Variants in ZNF577 observed in about 807,000 individuals in gnomAD.
ZNF577 encodes the protein zinc finger protein 577.
A neutral mutation model predicts 13.9 loss-of-function variants in ZNF577; 14 were observed. The observed-to-expected ratio is 1.00, with a 90% CI of 0.66 to 1.57. ZNF577 has a LOEUF of 1.57. Among genes scored for constraint, ZNF577 ranks in the 40% most tolerant of loss-of-function variants. ZNF577 has a pLI of 0.00. For synonymous variants in ZNF577, 203 were observed against 202.9 expected (o/e 1.00, Z 0.00); for missense variants, 555 against 579.2 (o/e 0.96, Z 0.43).
chr19:51,864,879 G>A (rs10414104), downstream of ZNF577, among the ~76,000 whole-genome samples: 40,815 of 151,982 alleles, frequency 0.27, 7,770 homozygotes, highest in African/African-American at 0.53. Context: ...TGAAGGCTTT[G>A]GGAGAAGGAG....
intron 1 of ZNF577, among the ~76,000 whole-genome samples, chr19:51,883,043 G>C (rs2084887563): frequency 6.8e-6 from 1 of 147,014 alleles, no homozygotes; most frequent in African/African-American, 2.5e-5. Context: ...CGCCAGGCTA[G>C]AGTGCAGTAG....
intron 10 of ZNF577, among the ~76,000 whole-genome samples, chr19:51,808,280 T>C (rs957084803): frequency 6.6e-6 from 1 of 152,240 alleles, no homozygotes; most frequent in African/African-American, 2.4e-5. Context: ...GGAGAACTAC[T>C]TTCTGAGTCC....
chr19:51,815,689 C>T (rs2084130245), intron 9 of ZNF577, among the ~76,000 whole-genome samples: 1 of 151,336 alleles, frequency 6.6e-6, no homozygotes, highest in South Asian at 2.1e-4. Flanking sequence ...GGATACATGG[C>T]GAAACCCTGT....
intron 10 of ZNF577, among the ~76,000 whole-genome samples, chr19:51,811,069 C>T (rs1014412751): frequency 1.3e-5 from 2 of 150,986 alleles, no homozygotes; most frequent in African/African-American, 4.9e-5. Flanking sequence ...AGTGGGACAA[C>T]AGATTCTTTC....
chr19:51,858,721 A>G (rs1036165970), intron 5 of ZNF577, among the ~76,000 whole-genome samples: 1 of 152,220 alleles, frequency 6.6e-6, no homozygotes, highest in Non-Finnish European at 1.5e-5. Flanking sequence ...TTTAATAACT[A>G]GAATACCCAC....
rs563277698 is a variant in ZNF577, at chr19:51,887,743, G to C, written c.-1141C>G. 2 of 151,604 alleles carry C rather than the reference G, an allele frequency of 1.3e-5. No homozygotes were observed. Among genetic ancestry groups the C allele is most frequent in the Non-Finnish European group, 2.9e-5 (2 of 67,920 alleles). The allele number at this position is 151,604 out of a possible 1,614,324, so 9.4% of individuals were successfully genotyped here. A position where few individuals can be genotyped will look rare whatever the true frequency, so the allele number is the denominator to read the frequency against. On this transcript the variant is annotated 5_prime_UTR_variant, in exon 1 of 6. Coordinates refer to ENST00000638348, the MANE Select transcript of ZNF577 (RefSeq NM_001370449.1). ...AGCGAGGACTCCCCGAGAGCTCCCCGCAACACGGACCTCACGCGCTAGCGA... is the reference window on the plus strand; with the variant it reads ...AGCGAGGACTCCCCGAGAGCTCCCCCCAACACGGACCTCACGCGCTAGCGA...
At chr19:51,816,409 G>A (rs940209663) in intron 9 of ZNF577, among the ~76,000 whole-genome samples, 5 of 152,160 alleles carry the variant, frequency 3.3e-5, no homozygotes, top group South Asian at 2.1e-4. Flanking sequence ...CACTACACCC[G>A]GTTAATTTTT....
chr19:51,887,096 A>G lies in ZNF577; in HGVS notation c.-494T>C, dbSNP rs190681866. 6.6e-5 allele frequency: 10 copies of G among 152,354 alleles called. No homozygotes were observed. In the East Asian group the frequency reaches 1.9e-3, roughly 29 times the overall value. 9.4% of individuals were successfully genotyped at this position (152,354 alleles called of 1,614,324 possible). A position where few individuals can be genotyped will look rare whatever the true frequency, so the allele number is the denominator to read the frequency against. The stretch of plus-strand genomic sequence containing the variant: ...CGATTTACAACAAAAAGTATTAACT[A>G]TGTAGAAATAAGCATAACCAGAAAT... On this transcript the variant is annotated 5_prime_UTR_variant, in exon 1 of 6. It removes the in-frame stop codon of an upstream open reading frame in the 5' UTR. Transcript: ENST00000638348.
At chr19:51,819,914 A>C (rs1414558932) in intron 9 of ZNF577, among the ~76,000 whole-genome samples, 1 of 152,234 alleles carries the variant, frequency 6.6e-6, no homozygotes, top group African/African-American at 2.4e-5. Flanking sequence ...AGAAAGCAGA[A>C]GGACAAATAC....
At chr19:51,833,233 G>C (rs1427608156) in intron 9 of ZNF577, among the ~76,000 whole-genome samples, 1 of 151,996 alleles carries the variant, frequency 6.6e-6, no homozygotes, top group Admixed American at 6.6e-5. Context: ...CCTACTCTGT[G>C]GCCTGGGAAC....
At chr19:51,864,225 A>T (rs969452663), downstream of ZNF577, among the ~76,000 whole-genome samples, 2 of 152,304 alleles carry the variant, frequency 1.3e-5, no homozygotes, top group Non-Finnish European at 2.9e-5. Context: ...AGATCTTTCC[A>T]TCCTCCAACT....
chr19:51,878,958 T>C (rs1335221817), intron 3 of ZNF577: 2 of 155,348 alleles, frequency 1.3e-5, no homozygotes, highest in African/African-American at 4.8e-5. Context: ...AAGACATATT[T>C]TAAAAATGTA....
In ZNF577 at chr19:51,872,402, T is replaced by G. The variant is rs1394274594; in HGVS notation, c.*130A>C. 1.3e-6 allele frequency: 1 copy of G among 742,662 alleles called. No homozygotes were observed. The highest frequency in any genetic ancestry group is 1.8e-5 in the African/African-American group (1 of 56,228). 46.0% of individuals were successfully genotyped at this position (742,662 alleles called of 1,614,324 possible). ...ATGATTTCAATGGTGTTTAACAGGT[T>G]TGACTTCTCACAGAAATGTCCTCCA... On this transcript the variant is annotated 3_prime_UTR_variant, in exon 6 of 6. Transcript: ENST00000638348.
At chr19:51,881,242 G>A (rs1020533775) in intron 1 of ZNF577, among the ~76,000 whole-genome samples, 3 of 152,148 alleles carry the variant, frequency 2.0e-5, no homozygotes, top group African/African-American at 7.2e-5. Flanking sequence ...TATTGTAGAG[G>A]CTGAGATGGG....
chr19:51,829,173 A>C (rs1483823789), intron 9 of ZNF577, among the ~76,000 whole-genome samples: 4 of 152,068 alleles, frequency 2.6e-5, no homozygotes. Flanking sequence ...TGAAAAATGC[A>C]CTCTGAGACT....
intron 9 of ZNF577, among the ~76,000 whole-genome samples, chr19:51,833,200 C>A (rs780722136): frequency 9.0e-6 from 1 of 110,882 alleles, no homozygotes; most frequent in Non-Finnish European, 1.9e-5. Flanking sequence ...AAGAGTCTAC[C>A]GGGCTCTACC....
chr19:51,819,073 A>G (rs1030852006), intron 9 of ZNF577, among the ~76,000 whole-genome samples: 1 of 152,118 alleles, frequency 6.6e-6, no homozygotes, highest in Non-Finnish European at 1.5e-5. Flanking sequence ...TAGGACTTGG[A>G]TTGTATTGGG....
intron 9 of ZNF577, among the ~76,000 whole-genome samples, chr19:51,812,052 C>A (rs901954674): frequency 6.6e-6 from 1 of 152,122 alleles, no homozygotes; most frequent in African/African-American, 2.4e-5. Context: ...CCTAAATTAC[C>A]CATAGTCATA....
intron 5 of ZNF577, among the ~76,000 whole-genome samples, chr19:51,847,127 T>C (rs912870369): frequency 6.6e-6 from 1 of 152,198 alleles, no homozygotes; most frequent in Non-Finnish European, 1.5e-5. Context: ...ATACAAACAC[T>C]CGTGTACGCA....
Sources: allele counts gnomAD v4.1 joint callset (sites outside exome capture counted in the v4.1 genomes callset), GRCh38; gene constraint gnomAD v4.1.1; transcripts MANE v1.5; gene names NCBI Gene and HGNC (gene_info 2026-07-23, HGNC 2026-07-21).